The following OSBPL5 variants were observed in gnomAD, a reference collection of about 807,000 sequenced individuals.
The protein encoded by OSBPL5 is oxysterol-binding protein-related protein 5.
OSBPL5 carries 71 observed loss-of-function variants against 111.2 expected under a neutral mutation model. The ratio of observed to expected loss-of-function variants is 0.64; its 90% CI spans 0.53 to 0.78. OSBPL5 has a LOEUF of 0.78. Ranked by LOEUF, OSBPL5 falls within the 30% of genes least tolerant of loss-of-function variation. The pLI is 0.00. For synonymous variants in OSBPL5, 549 were observed against 513.9 expected (o/e 1.07, Z -0.93); for missense variants, 1,210 against 1,189.3 (o/e 1.02, Z -0.26).
chr11:3,139,412 G>A (rs1015751316), intron 1 of OSBPL5, among the ~76,000 whole-genome samples: 1 of 152,206 alleles, frequency 6.6e-6, no homozygotes, highest in Non-Finnish European at 1.5e-5. Flanking sequence ...CCAGGATGAT[G>A]GGGGAAGGAA....
Position 3,094,327 on chromosome 11 carries a change from C to G in OSBPL5, c.1629G>C (p.Leu543=). 6.2e-7 allele frequency: 1 copy of G among 1,613,330 alleles called. No homozygotes were observed. The highest frequency in any genetic ancestry group is 8.5e-7 in the Non-Finnish European group (1 of 1,179,912). Residue 543 remains leucine, a synonymous_variant, in exon 15 of 22, where the codon CTG becomes CTC. Coordinates refer to ENST00000263650, the MANE Select transcript of OSBPL5 (RefSeq NM_020896.4). The part of the protein sequence containing the change: ...TMPYAHCKGI[L]YGTMTLELGG... Reference sequence around the variant, plus strand: ...CCAGCTCCAGGGTCATCGTGCCATACAGGATTCCTGAAATGCAGCCAGTGT... The same window carrying G: ...CCAGCTCCAGGGTCATCGTGCCATAGAGGATTCCTGAAATGCAGCCAGTGT...
rs558378133 is a variant in OSBPL5, at chr11:3,087,520, C to G, written c.*685G>C. 1 of 153,150 alleles carries G rather than the reference C, an allele frequency of 6.5e-6. No homozygotes were observed. Among genetic ancestry groups the G allele is most frequent in the Admixed American group, 6.5e-5 (1 of 15,296 alleles). The allele number at this position is 153,150 out of a possible 1,614,324, so 9.5% of individuals were successfully genotyped here. ...CCACACCCCTGCGCCCCCCACACCC[C>G]TGCACACACCTGCACCCACAACCAC... On this transcript the variant is annotated 3_prime_UTR_variant, in exon 22 of 22. Coordinates refer to ENST00000263650, the MANE Select transcript of OSBPL5 (RefSeq NM_020896.4).
At chr11:3,117,416 T>TA (rs1244831059) in intron 7 of OSBPL5, among the ~76,000 whole-genome samples, 3 of 152,210 alleles carry the variant, frequency 2.0e-5, no homozygotes, top group Non-Finnish European at 4.4e-5. Flanking sequence ...GGCTCAGCTT[T>TA]AAAAAAGTCT....
At position 3,105,901 on chromosome 11, in the gene OSBPL5, C is replaced by T. The variant is rs909024783; in HGVS notation, c.1059+1362G>A. ...AACTTCCGAAATACCCTGAGTCTGCCCACTTCTCCCTTCTCCATCACAGCT... is the reference window on the plus strand; with the variant it reads ...AACTTCCGAAATACCCTGAGTCTGCTCACTTCTCCCTTCTCCATCACAGCT... On this transcript the variant is annotated intron_variant, in intron 9 of 21. Transcript: ENST00000263650. This position sits in a 1 kb window ranked among gnomAD's most constrained non-coding sequence, Gnocchi z 5.2. 2.6e-5 allele frequency among the ~76,000 whole-genome samples: 4 copies of T among 152,310 alleles called. No homozygotes were observed. The highest frequency in any genetic ancestry group is 9.6e-5 in the African/African-American group (4 of 41,570).
Position 3,121,946 on chromosome 11 carries a change from AGCAGCAC to A in OSBPL5, c.402+44_402+50del. On this transcript the variant is annotated intron_variant, in intron 5 of 21. Transcript: ENST00000263650. This position sits in a 1 kb window ranked among gnomAD's most constrained non-coding sequence, Gnocchi z 4.3. ...CTGGTTTATGGTCCTTTGTTATGGC[AGCAGCAC>A]GCTGACCCGTGTCCTGGGTGGCCGG... 1 of 1,479,256 alleles carries A rather than the reference AGCAGCAC, an allele frequency of 6.8e-7. No homozygotes were observed. The highest frequency in any genetic ancestry group is 9.1e-7 in the Non-Finnish European group (1 of 1,094,012). 91.6% of individuals were successfully genotyped at this position (1,479,256 alleles called of 1,614,324 possible). A position where few individuals can be genotyped will look rare whatever the true frequency, so the allele number is the denominator to read the frequency against.
intron 1 of OSBPL5, among the ~76,000 whole-genome samples, chr11:3,144,219 C>T (rs1381884456): frequency 1.2e-4 from 18 of 152,134 alleles, no homozygotes; most frequent in Admixed American, 1.2e-3. Flanking sequence ...AGAACATGCC[C>T]CCTCCTCTGC....
chr11:3,134,799 G>A (rs1424999694), intron 1 of OSBPL5, among the ~76,000 whole-genome samples: 4 of 152,054 alleles, frequency 2.6e-5, no homozygotes, highest in Non-Finnish European at 4.4e-5. Flanking sequence ...TGGGACTTGG[G>A]GGTGGGGTGG....
Position 3,093,596 on chromosome 11 carries a change from TC to T in OSBPL5, c.1876del (p.Glu626ArgfsTer7). 1 of 1,612,732 alleles carries T rather than the reference TC, an allele frequency of 6.2e-7. No homozygotes were observed. Among genetic ancestry groups the T allele is most frequent in the Non-Finnish European group, 8.5e-7 (1 of 1,179,980 alleles). ...SSALFWTPSG[E>X]VRRQRLRQHT... The stretch of plus-strand genomic sequence containing the variant: ...CTGCCTCAGCCTCTGTCTGCGGACC[TC>T]CCCGCTCGGGGTCCAGAAAAGCGCA... On this transcript the variant is annotated frameshift_variant, in exon 17 of 22. Transcript: ENST00000263650. LOFTEE classifies it high-confidence loss of function.
intron 1 of OSBPL5, among the ~76,000 whole-genome samples, chr11:3,145,842 C>A (rs1001437658): frequency 6.6e-6 from 1 of 152,206 alleles, no homozygotes; most frequent in Non-Finnish European, 1.5e-5. Context: ...GGTAGCCCAG[C>A]CTGCGTTCAC....
At position 3,110,262 on chromosome 11, in the gene OSBPL5, T is replaced by A. The variant is rs1590662516; in HGVS notation, c.692-2317A>T. Among the ~76,000 whole-genome samples the A allele has an allele frequency of 6.6e-6, 1 of 151,698 alleles. No individual in the cohort carries two copies. Among genetic ancestry groups the A allele is most frequent in the African/African-American group, 2.4e-5 (1 of 41,244 alleles). ...TGCTCTGGGAGGCATCACCCTGGGG[T>A]TAGAGGAGGTGGAGCAACCGCATTT... On this transcript the variant is annotated intron_variant, in intron 7 of 21. Transcript: ENST00000263650. The surrounding 1 kb of genome is among the most constrained non-coding windows in gnomAD (Gnocchi z 5.3).
At chr11:3,131,043 G>T (rs866488785) in intron 1 of OSBPL5, among the ~76,000 whole-genome samples, 1 of 152,094 alleles carries the variant, frequency 6.6e-6, no homozygotes, top group Admixed American at 6.5e-5. Context: ...GCGATTCCCA[G>T]GTAGGTCTCC....
intron 14 of OSBPL5, among the ~76,000 whole-genome samples, chr11:3,097,105 GGGAGGA>G (rs200645053): frequency 2.7e-5 from 1 of 37,606 alleles, no homozygotes; most frequent in African/African-American, 7.4e-5. Flanking sequence ...GGGGGAAGAT[GGGAGGA>G]GGAGGAGAGG....
chr11:3,113,581 G>C lies in OSBPL5; in HGVS notation c.692-5636C>G, dbSNP rs1367164083. Among the ~76,000 whole-genome samples the C allele has an allele frequency of 6.6e-6, 1 of 151,952 alleles. No individual in the cohort carries two copies. The highest frequency in any genetic ancestry group is 1.5e-5 in the Non-Finnish European group (1 of 67,998). On this transcript the variant is annotated intron_variant, in intron 7 of 21. Transcript: ENST00000263650. This position sits in a 1 kb window ranked among gnomAD's most constrained non-coding sequence, Gnocchi z 4.8. ...GAGGCAGGAGAATTGCTTGACCTGGGAGGCAGAGGTAACAGTGAGCCAAGA... is the reference window on the plus strand; with the variant it reads ...GAGGCAGGAGAATTGCTTGACCTGGCAGGCAGAGGTAACAGTGAGCCAAGA...
At position 3,104,424 on chromosome 11, in the gene OSBPL5, G is replaced by A. The variant is rs781538879; in HGVS notation, c.1060-47C>T. ...CAGGCCCTGCCCGGAAGAGCCGGGA[G>A]GAAGGGGTGGCGGGACAGTGGCAGC... On this transcript the variant is annotated intron_variant, in intron 9 of 21. Coordinates refer to ENST00000263650, the MANE Select transcript of OSBPL5 (RefSeq NM_020896.4). The surrounding 1 kb of genome is among the most constrained non-coding windows in gnomAD (Gnocchi z 5.0). 5 of 1,586,708 alleles carry A rather than the reference G, an allele frequency of 3.2e-6. No individual in the cohort carries two copies. Among genetic ancestry groups the A allele is most frequent in the Non-Finnish European group, 4.3e-6 (5 of 1,173,406 alleles).
rs535821874 is a variant in OSBPL5, at chr11:3,091,866, G to T, written c.2259+566C>A. Among the ~76,000 whole-genome samples the T allele has an allele frequency of 5.9e-5, 9 of 152,272 alleles. No homozygotes were observed. In the East Asian group the frequency reaches 1.7e-3, roughly 29 times the overall value. ...TGTCCGCTGCGGGTGAGCACCGGCC[G>T]CGCTCTGCACCCTCTGCACGCAGTA... is the stretch of plus-strand genomic sequence containing the variant. On this transcript the variant is annotated intron_variant, in intron 19 of 21. Coordinates refer to ENST00000263650, the MANE Select transcript of OSBPL5 (RefSeq NM_020896.4).
At position 3,162,489 on chromosome 11, in the gene OSBPL5, C is replaced by G. The variant is rs547863933; in HGVS notation, c.-22+2727G>C. 4.9e-4 allele frequency among the ~76,000 whole-genome samples: 75 copies of G among 151,614 alleles called. No individual in the cohort carries two copies. Among genetic ancestry groups the G allele is most frequent in the Admixed American group, 1.4e-3 (21 of 15,252 alleles). The stretch of plus-strand genomic sequence containing the variant: ...AGTGTAGATGCCAGCACAAGGCAAT[C>G]TCACATCCTCGTGGACATGATCCCA... On this transcript the variant is annotated intron_variant, in intron 1 of 21. Coordinates refer to ENST00000263650, the MANE Select transcript of OSBPL5 (RefSeq NM_020896.4). The surrounding 1 kb of genome is among the most constrained non-coding windows in gnomAD (Gnocchi z 8.1).
At chr11:3,157,610 C>T (rs1846817564) in intron 1 of OSBPL5, among the ~76,000 whole-genome samples, 1 of 152,268 alleles carries the variant, frequency 6.6e-6, no homozygotes, top group African/African-American at 2.4e-5. Flanking sequence ...CACAAGGCCA[C>T]TTCCTGCCAC....
chr11:3,139,297 C>T (rs111487188), intron 1 of OSBPL5, among the ~76,000 whole-genome samples: 78 of 152,248 alleles, frequency 5.1e-4, no homozygotes, highest in African/African-American at 1.4e-3. Flanking sequence ...CGGGTGGCCC[C>T]GGGGCTGGGG....
chr11:3,165,067 CG>C lies in OSBPL5; in HGVS notation c.-22+148del, dbSNP rs564050161. The C allele has an allele frequency of 2.0e-5, 3 of 150,904 alleles. No individual in the cohort carries two copies. The highest frequency in any genetic ancestry group is 4.1e-4 in the South Asian group (2 of 4,830). 9.3% of individuals were successfully genotyped at this position (150,904 alleles called of 1,614,324 possible). On this transcript the variant is annotated intron_variant, in intron 1 of 21. Coordinates refer to ENST00000263650, the MANE Select transcript of OSBPL5 (RefSeq NM_020896.4). This position sits in a 1 kb window ranked among gnomAD's most constrained non-coding sequence, Gnocchi z 7.4. The stretch of plus-strand genomic sequence containing the variant: ...CCGCACTGGCTACTGCCAGGGTCCG[CG>C]GGGCTGCGGCGCGAGCTCCTGGATC...
Sources: gnomAD v4.1 joint callset for allele counts (sites outside exome capture counted in the v4.1 genomes callset) on GRCh38, gnomAD v4.1.1 for gene constraint, Gnocchi (gnomAD v3.1) non-coding constraint, MANE v1.5 for transcripts, NCBI Gene and HGNC (gene_info 2026-07-23, HGNC 2026-07-21) for gene names.